The following TEAD1 variants were observed in gnomAD, a reference collection of about 807,000 sequenced individuals.
TEAD1 encodes the protein transcriptional enhancer factor TEF-1.
TEAD1 carries 9 observed loss-of-function variants against 54.9 expected under a neutral mutation model. The ratio of observed to expected loss-of-function variants is 0.16; its 90% CI spans 0.10 to 0.29. The LOEUF (loss-of-function observed/expected upper bound fraction) is 0.29. Ranked by LOEUF, TEAD1 falls within the 10% of genes least tolerant of loss-of-function variation. The pLI, the probability that TEAD1 is intolerant of heterozygous loss-of-function variation, is 1.00. For synonymous variants in TEAD1, 200 were observed against 187.8 expected (o/e 1.07, Z -0.53); for missense variants, 387 against 535.9 (o/e 0.72, Z 2.74).
chr11:12,772,380 A>G (rs909584506), intron 3 of TEAD1, among the ~76,000 whole-genome samples: 2 of 152,222 alleles, frequency 1.3e-5, no homozygotes, highest in Non-Finnish European at 2.9e-5. Flanking sequence ...AGCAAAACCC[A>G]GAAGAGACTT....
At chr11:12,865,028 C>A in intron 5 of TEAD1, 128 bp downstream of exon 5, 1 of 1,041,608 alleles carries the variant, frequency 9.6e-7, no homozygotes, top group East Asian at 2.4e-5. Context: ...GAGCTGTTTA[C>A]ATTTCTTTGT....
At position 12,938,209 on chromosome 11, in the gene TEAD1, A is replaced by T. The variant is rs1949127593; in HGVS notation, c.*987A>T. 2 of 152,650 alleles carry T rather than the reference A, an allele frequency of 1.3e-5. No homozygotes were observed. 9.5% of individuals were successfully genotyped at this position (152,650 alleles called of 1,614,324 possible). ...TTAATAACAAAATTTTAAAATTGGC[A>T]TGAATACGGAATACTGCACTGTGAG... On this transcript the variant is annotated 3_prime_UTR_variant, in exon 13 of 13. Transcript: ENST00000527636.
At position 12,944,125 on chromosome 11, in the gene TEAD1, T is replaced by A. The variant is rs1260938188; in HGVS notation, c.*6903T>A. 6.6e-6 allele frequency: 1 copy of A among 152,656 alleles called. No individual in the cohort carries two copies. Among genetic ancestry groups the A allele is most frequent in the Non-Finnish European group, 1.5e-5 (1 of 68,050 alleles). 9.5% of individuals were successfully genotyped at this position (152,656 alleles called of 1,614,324 possible). A position where few individuals can be genotyped will look rare whatever the true frequency, so the allele number is the denominator to read the frequency against. On this transcript the variant is annotated 3_prime_UTR_variant, in exon 13 of 13. Coordinates refer to ENST00000527636, the MANE Select transcript of TEAD1 (RefSeq NM_021961.6). ...ACGTGTATAAAATGGGCTTGTGATGTAAGCGTTTCATCTGGTCAGTGGTTC... is the reference window on the plus strand; with the variant it reads ...ACGTGTATAAAATGGGCTTGTGATGAAAGCGTTTCATCTGGTCAGTGGTTC...
chr11:12,769,006 C>T (rs1171729023), intron 3 of TEAD1, among the ~76,000 whole-genome samples: 1 of 152,078 alleles, frequency 6.6e-6, no homozygotes, highest in Non-Finnish European at 1.5e-5. Context: ...CGGTAGTGGC[C>T]AGGAGGATGT....
At chr11:12,861,591 C>A (rs1048113582) in intron 3 of TEAD1, among the ~76,000 whole-genome samples, 1 of 152,176 alleles carries the variant, frequency 6.6e-6, no homozygotes, top group South Asian at 2.1e-4. Context: ...TAGAAGAGAA[C>A]TGGGTTTGTT....
At chr11:12,729,579 C>T (rs1277458234) in intron 2 of TEAD1, among the ~76,000 whole-genome samples, 1 of 152,172 alleles carries the variant, frequency 6.6e-6, no homozygotes, top group Admixed American at 6.5e-5. Flanking sequence ...AAAATCAAGA[C>T]TCATCCTTAT....
intron 3 of TEAD1, among the ~76,000 whole-genome samples, chr11:12,819,177 G>A: frequency 6.6e-6 from 1 of 152,092 alleles, no homozygotes; most frequent in East Asian, 1.9e-4. Context: ...CAGATGATGA[G>A]CCAATTAAGA....
chr11:12,891,669 G>T (rs1400719873), intron 9 of TEAD1, among the ~76,000 whole-genome samples: 1 of 152,188 alleles, frequency 6.6e-6, no homozygotes, highest in Non-Finnish European at 1.5e-5. Context: ...AGACAGGAAA[G>T]CTCAGAGAGT....
chr11:12,713,789 C>CTT, intron 2 of TEAD1, among the ~76,000 whole-genome samples: 2 of 152,186 alleles, frequency 1.3e-5, no homozygotes, highest in Non-Finnish European at 2.9e-5. Flanking sequence ...TCCACTCCGC[C>CTT]GTCCTTTGCG....
intron 2 of TEAD1, among the ~76,000 whole-genome samples, chr11:12,763,066 C>T (rs1040540990): frequency 6.6e-6 from 1 of 152,152 alleles, no homozygotes; most frequent in African/African-American, 2.4e-5. Context: ...TGATCCTATA[C>T]CTTTTCAACA....
intron 12 of TEAD1, among the ~76,000 whole-genome samples, chr11:12,936,505 T>C (rs1229052864): frequency 6.6e-6 from 1 of 152,218 alleles, no homozygotes; most frequent in African/African-American, 2.4e-5. Flanking sequence ...TCCTTGGCTA[T>C]TGTGAAACAA....
At chr11:12,747,627 C>T (rs569577657) in intron 2 of TEAD1, among the ~76,000 whole-genome samples, 8 of 152,330 alleles carry the variant, frequency 5.3e-5, no homozygotes, top group African/African-American at 7.2e-5. Flanking sequence ...TGAGCCACCA[C>T]GCCTGGCCTA....
chr11:12,676,564 G>T (rs1282218529), intron 2 of TEAD1, among the ~76,000 whole-genome samples: 3 of 152,172 alleles, frequency 2.0e-5, no homozygotes, highest in African/African-American at 7.2e-5. Flanking sequence ...ATGCTTACAA[G>T]GACTAGACTT....
rs532367955 is a variant in TEAD1 at position 12,931,338 on chromosome 11, T to TA, written c.1167+1018dup. ...AGTAATGGGTTTCATAAGGCTCATT[T>TA]AAAAAAGTAACATTACTTGATTAAA... On this transcript the variant is annotated intron_variant, in intron 12 of 12. Coordinates refer to ENST00000527636, the MANE Select transcript of TEAD1 (RefSeq NM_021961.6). Among the ~76,000 whole-genome samples the TA allele has an allele frequency of 2.6e-3, 401 of 152,308 alleles. 2 individuals are homozygous for TA. Among genetic ancestry groups the TA allele is most frequent in the African/African-American group, 9.2e-3 (384 of 41,574 alleles).
chr11:12,878,460 C>T (rs1314424338), intron 5 of TEAD1, among the ~76,000 whole-genome samples: 2 of 152,050 alleles, frequency 1.3e-5, no homozygotes, highest in Non-Finnish European at 2.9e-5. Context: ...TTTGTTTTTG[C>T]TTTGATGGCA....
chr11:12,891,034 G>A (rs935746446), intron 9 of TEAD1, among the ~76,000 whole-genome samples: 2 of 152,074 alleles, frequency 1.3e-5, no homozygotes, highest in Non-Finnish European at 2.9e-5. Context: ...CAAAGTGCTG[G>A]GATTACAGAT....
intron 11 of TEAD1, among the ~76,000 whole-genome samples, chr11:12,927,262 T>C (rs1948920139): frequency 6.6e-6 from 1 of 152,250 alleles, no homozygotes; most frequent in African/African-American, 2.4e-5. Context: ...AGTCCACTTA[T>C]ATTTTCTTCC....
intron 3 of TEAD1, among the ~76,000 whole-genome samples, chr11:12,769,579 G>T (rs1945275700): frequency 6.6e-6 from 1 of 152,006 alleles, no homozygotes; most frequent in Non-Finnish European, 1.5e-5. Context: ...AGGGAGGTAG[G>T]CTTTGTCAGT....
At chr11:12,921,556 A>AAAAAAAC in intron 10 of TEAD1, among the ~76,000 whole-genome samples, 1 of 145,692 alleles carries the variant, frequency 6.9e-6, no homozygotes, top group Non-Finnish European at 1.5e-5. Context: ...AAAAAAAAAA[A>AAAAAAAC]TCTGGAACGT....
Sources: allele counts gnomAD v4.1 joint callset (sites outside exome capture counted in the v4.1 genomes callset), GRCh38; gene constraint gnomAD v4.1.1; transcripts MANE v1.5; gene names NCBI Gene and HGNC (gene_info 2026-07-23, HGNC 2026-07-21).